EBF2: variants seen among roughly 807,000 people sequenced by gnomAD.
The protein encoded by EBF2 is EBF transcription factor 2.
Under a neutral mutation model 72.8 loss-of-function variants are expected in EBF2, and 21 were observed. The ratio of observed to expected loss-of-function variants is 0.29; its 90% CI spans 0.20 to 0.42. The LOEUF (loss-of-function observed/expected upper bound fraction) is 0.42, where lower values mean the gene tolerates loss of function less well. EBF2 is among the 10% of genes least tolerant of loss of function. The pLI, the probability that EBF2 is intolerant of heterozygous loss-of-function variation, is 1.00. For synonymous variants in EBF2, 299 were observed against 274.2 expected (o/e 1.09, Z -0.89); for missense variants, 637 against 731.2 (o/e 0.87, Z 1.49).
At chr8:26,025,721 C>G (rs1399846647) in intron 6 of EBF2, among the ~76,000 whole-genome samples, 2 of 152,156 alleles carry the variant, frequency 1.3e-5, no homozygotes, top group African/African-American at 4.8e-5. Flanking sequence ...TTTATCTTAC[C>G]TGTAATTCCC....
intron 10 of EBF2, among the ~76,000 whole-genome samples, chr8:25,883,873 G>C (rs1802643736): frequency 6.6e-6 from 1 of 152,014 alleles, no homozygotes; most frequent in Non-Finnish European, 1.5e-5. Context: ...CTATCCAACT[G>C]ACCTCAGGGA....
intron 7 of EBF2, among the ~76,000 whole-genome samples, chr8:25,897,143 T>C (rs1475012380): frequency 1.3e-5 from 2 of 152,146 alleles, no homozygotes; most frequent in Admixed American, 6.5e-5. Flanking sequence ...TGTGGGAGGT[T>C]CTGGGTTGCT....
intron 6 of EBF2, among the ~76,000 whole-genome samples, chr8:25,921,147 A>G (rs1438257946): frequency 1.3e-5 from 2 of 152,198 alleles, no homozygotes; most frequent in Non-Finnish European, 2.9e-5. Context: ...ATCATTGGCT[A>G]TTAACACTGG....
At chr8:25,980,746 C>T (rs975178855) in intron 6 of EBF2, among the ~76,000 whole-genome samples, 3 of 138,826 alleles carry the variant, frequency 2.2e-5, no homozygotes, top group East Asian at 2.1e-4. Context: ...ATTTCTAGAC[C>T]GATGACCTTT....
intron 6 of EBF2, among the ~76,000 whole-genome samples, chr8:26,023,444 T>A (rs1388582438): frequency 1.3e-5 from 2 of 152,212 alleles, no homozygotes; most frequent in African/African-American, 4.8e-5. Context: ...CATGGCATCA[T>A]CTGTTCTAAT....
At chr8:25,920,641 AT>A (rs1803291842) in intron 6 of EBF2, among the ~76,000 whole-genome samples, 1 of 152,214 alleles carries the variant, frequency 6.6e-6, no homozygotes, top group Non-Finnish European at 1.5e-5. Flanking sequence ...GGAGAAAGAA[AT>A]TTGGTGGCAT....
intron 6 of EBF2, among the ~76,000 whole-genome samples, chr8:26,029,689 G>A (rs1174431595): frequency 1.6e-4 from 24 of 152,190 alleles, no homozygotes; most frequent in Admixed American, 1.6e-3. Context: ...AGAAGGGGGA[G>A]GAGATAATTA....
chr8:25,988,986 T>A (rs1804503248), intron 6 of EBF2, among the ~76,000 whole-genome samples: 1 of 152,224 alleles, frequency 6.6e-6, no homozygotes, highest in East Asian at 1.9e-4. Context: ...ATTAATTATG[T>A]GATATCCAAA....
intron 6 of EBF2, among the ~76,000 whole-genome samples, chr8:25,934,789 C>T (rs894405311): frequency 7.2e-5 from 11 of 152,300 alleles, no homozygotes; most frequent in South Asian, 4.1e-4. Context: ...GTATGCATCC[C>T]GTATCCCATC....
chr8:25,906,229 G>A (rs1803029185), intron 7 of EBF2, among the ~76,000 whole-genome samples: 2 of 152,142 alleles, frequency 1.3e-5, no homozygotes, highest in African/African-American at 2.4e-5. Flanking sequence ...GAAAGTGCTG[G>A]TAGAAAGTAG....
intron 6 of EBF2, among the ~76,000 whole-genome samples, chr8:26,007,342 AT>A: frequency 6.6e-6 from 1 of 152,246 alleles, no homozygotes; most frequent in Middle Eastern, 3.4e-3. Flanking sequence ...GACATTCTCC[AT>A]TCATGAAACG....
chr8:25,859,435 A>C (rs1425606923), intron 13 of EBF2, among the ~76,000 whole-genome samples: 1 of 152,144 alleles, frequency 6.6e-6, no homozygotes, highest in Non-Finnish European at 1.5e-5. Flanking sequence ...TTTCATTCAA[A>C]AAGTGTGGAT....
intron 6 of EBF2, among the ~76,000 whole-genome samples, chr8:26,014,342 C>T (rs1330872927): frequency 6.6e-6 from 1 of 152,012 alleles, no homozygotes; most frequent in Admixed American, 6.6e-5. Flanking sequence ...AAAGCTTCTG[C>T]CCTCTGACTT....
intron 6 of EBF2, among the ~76,000 whole-genome samples, chr8:25,992,623 G>T (rs562143295): frequency 6.6e-6 from 1 of 151,982 alleles, no homozygotes; most frequent in Non-Finnish European, 1.5e-5. Flanking sequence ...TTAAGGCCAG[G>T]CATGGTGGGT....
chr8:25,845,808 A>T (rs1801821355), intron 15 of EBF2, among the ~76,000 whole-genome samples: 1 of 152,220 alleles, frequency 6.6e-6, no homozygotes, highest in South Asian at 2.1e-4. Context: ...TCATATCTAG[A>T]ATTTGATCCT....
intron 7 of EBF2, among the ~76,000 whole-genome samples, chr8:25,891,315 C>T (rs780472736): frequency 2.6e-4 from 39 of 151,988 alleles, no homozygotes; most frequent in Non-Finnish European, 4.3e-4. Context: ...ACCCAGAAGA[C>T]GAACCACCCT....
At chr8:25,994,611 A>C (rs1804593773) in intron 6 of EBF2, among the ~76,000 whole-genome samples, 1 of 152,236 alleles carries the variant, frequency 6.6e-6, no homozygotes, top group African/African-American at 2.4e-5. Context: ...CAGCCATGAA[A>C]AAAGAACAAA....
chr8:25,941,812 G>A (rs570282422), intron 6 of EBF2, among the ~76,000 whole-genome samples: 3 of 152,222 alleles, frequency 2.0e-5, no homozygotes, highest in Non-Finnish European at 2.9e-5. Context: ...TCCTGCTCTC[G>A]CTAATTCATT....
intron 2 of EBF2, 177 bp from the exon 3 acceptor site, chr8:26,041,179 C>T (rs1410833422): frequency 8.8e-6 from 6 of 679,044 alleles, no homozygotes; most frequent in African/African-American, 1.8e-5. Flanking sequence ...TGGCCGCCCC[C>T]GGAAACTTGC....
Sources: gnomAD v4.1 joint callset for allele counts (sites outside exome capture counted in the v4.1 genomes callset) on GRCh38, gnomAD v4.1.1 for gene constraint, MANE v1.5 for transcripts, NCBI Gene and HGNC (gene_info 2026-07-23, HGNC 2026-07-21) for gene names.